Variants in C8orf34 observed in about 807,000 individuals in gnomAD.
The protein encoded by C8orf34 is uncharacterized protein C8orf34.
A neutral mutation model predicts 68.3 loss-of-function variants in C8orf34; 65 were observed. That is an observed-to-expected ratio of 0.95 (90% CI 0.78 to 1.17). The LOEUF is 1.17. Ranked by LOEUF, C8orf34 falls within the 50% of genes most tolerant of loss-of-function variation. The probability of loss-of-function intolerance (pLI) is 0.00; values close to 1 mark genes in which losing one functional copy is unlikely to be tolerated. For missense variants in C8orf34, 664 were observed against 655.4 expected, an observed-to-expected ratio of 1.01 and a Z score of -0.14; for synonymous variants, 244 against 241.2, an observed-to-expected ratio of 1.01 and a Z score of -0.11.
intron 7 of C8orf34, among the ~76,000 whole-genome samples, chr8:68,552,552 T>TAA (rs1444147220): frequency 6.6e-6 from 1 of 152,122 alleles, no homozygotes; most frequent in Non-Finnish European, 1.5e-5. Context: ...CAGTCTTACT[T>TAA]AATGTTTGTC....
chr8:68,499,988 A>C (rs1241092104), intron 5 of C8orf34, among the ~76,000 whole-genome samples: 2 of 152,120 alleles, frequency 1.3e-5, no homozygotes, highest in African/African-American at 2.4e-5. Context: ...GTTGTTTAAA[A>C]GTATGTGCGA....
chr8:68,725,886 A>G (rs1438973164), intron 10 of C8orf34, among the ~76,000 whole-genome samples: 1 of 152,048 alleles, frequency 6.6e-6, no homozygotes, highest in Non-Finnish European at 1.5e-5. Context: ...TCAGTAGCCA[A>G]TATCTTTTTT....
chr8:68,579,596 A>G (rs1454646389), intron 7 of C8orf34, among the ~76,000 whole-genome samples: 1 of 152,124 alleles, frequency 6.6e-6, no homozygotes, highest in African/African-American at 2.4e-5. Flanking sequence ...TTTTATTTAA[A>G]TGTTCCCTAC....
intron 6 of C8orf34, among the ~76,000 whole-genome samples, chr8:68,526,490 C>A (rs1396777014): frequency 6.6e-6 from 1 of 152,130 alleles, no homozygotes; most frequent in Non-Finnish European, 1.5e-5. Flanking sequence ...TGTTACTGCT[C>A]AGTTCACAGT....
chr8:68,532,212 A>G (rs1586331122), intron 6 of C8orf34, among the ~76,000 whole-genome samples: 1 of 152,180 alleles, frequency 6.6e-6, no homozygotes, highest in Admixed American at 6.6e-5. Flanking sequence ...GGTATATACA[A>G]TGGACTATCC....
chr8:68,465,734 A>T (rs1485383585), intron 3 of C8orf34, among the ~76,000 whole-genome samples: 2 of 146,074 alleles, frequency 1.4e-5, no homozygotes, highest in African/African-American at 5.0e-5. Context: ...TCTCACTCAT[A>T]GGTGGGAATT....
Position 68,673,587 on chromosome 8 carries a change from G to T in C8orf34, c.1241+33076G>T, listed in dbSNP as rs145054430. ...AGAAGAGAAGATTGGGAAGGACTTT[G>T]TCTTGTGACTTGGGTGCTAGCTCAT... On this transcript the variant is annotated intron_variant, in intron 8 of 13. Coordinates refer to ENST00000518698, the MANE Select transcript of C8orf34 (RefSeq NM_052958.4). Among the ~76,000 whole-genome samples, 25 of 152,254 alleles carry T rather than the reference G, an allele frequency of 1.6e-4. No homozygotes were observed. The East Asian group carries it at 4.6e-3, about 28-fold the overall frequency.
At chr8:68,695,807 T>G (rs1241020899) in intron 8 of C8orf34, 5 of 152,138 alleles carry the variant, frequency 3.3e-5, no homozygotes, top group Non-Finnish European at 7.4e-5. Flanking sequence ...TACTTTTTTC[T>G]GTCATCTATA....
chr8:68,777,470 T>C (rs1025258021), intron 11 of C8orf34, among the ~76,000 whole-genome samples: 1 of 152,226 alleles, frequency 6.6e-6, no homozygotes, highest in Non-Finnish European at 1.5e-5. Flanking sequence ...AAATGCTCAA[T>C]GTGGCAAGAA....
chr8:68,579,827 TA>T (rs1166455132), intron 7 of C8orf34, among the ~76,000 whole-genome samples: 3 of 152,172 alleles, frequency 2.0e-5, no homozygotes, highest in Non-Finnish European at 4.4e-5. Context: ...ACTATAGTTT[TA>T]ACAGTCATCG....
chr8:68,381,468 C>T (rs1363272737), intron 1 of C8orf34, among the ~76,000 whole-genome samples: 3 of 151,486 alleles, frequency 2.0e-5, no homozygotes, highest in East Asian at 3.9e-4. Flanking sequence ...CGCGGTGGCT[C>T]ACGCCTGTAA....
At position 68,523,411 on chromosome 8, in the gene C8orf34, T is replaced by G. The variant is rs1444917392; in HGVS notation, c.938+1440T>G. ...TGAGCTCTTATTCCCACCTGAATAC[T>G]CAATAAGGGAGAACCTCTTCTCTAA... On this transcript the variant is annotated intron_variant, in intron 6 of 13. Coordinates refer to ENST00000518698, the MANE Select transcript of C8orf34 (RefSeq NM_052958.4). 2.0e-5 allele frequency among the ~76,000 whole-genome samples: 3 copies of G among 152,340 alleles called. No individual in the cohort carries two copies. The East Asian group carries it at 5.8e-4, about 29-fold the overall frequency.
intron 7 of C8orf34, among the ~76,000 whole-genome samples, chr8:68,589,293 C>T (rs1228356283): frequency 1.3e-5 from 2 of 151,876 alleles, no homozygotes; most frequent in Non-Finnish European, 2.9e-5. Context: ...TTTGACTTCT[C>T]TTCTATTTAG....
intron 5 of C8orf34, among the ~76,000 whole-genome samples, chr8:68,490,690 T>TA (rs1048393585): frequency 2.7e-5 from 4 of 150,060 alleles, no homozygotes; most frequent in Admixed American, 6.7e-5. Flanking sequence ...ACTTTTCACT[T>TA]AAAAAAAATT....
At chr8:68,427,328 A>G (rs1164250259) in intron 1 of C8orf34, among the ~76,000 whole-genome samples, 1 of 152,174 alleles carries the variant, frequency 6.6e-6, no homozygotes, top group African/African-American at 2.4e-5. Flanking sequence ...TAAACACACT[A>G]TGGTACACCT....
Position 68,394,084 on chromosome 8 carries a change from G to A in C8orf34, c.328-45415G>A, listed in dbSNP as rs1266708692. Reference sequence around the variant, plus strand: ...GCAGCAAAATTGAGTGGGTAGGCATGCCATTTTTTTTTTATTATTATACTT... The same window carrying A: ...GCAGCAAAATTGAGTGGGTAGGCATACCATTTTTTTTTTATTATTATACTT... On this transcript the variant is annotated intron_variant, in intron 1 of 13. Transcript: ENST00000518698. Among the ~76,000 whole-genome samples, 9 of 121,254 alleles carry A rather than the reference G, an allele frequency of 7.4e-5. No individual in the cohort carries two copies. In the East Asian group the frequency reaches 1.8e-3, roughly 25 times the overall value. 79.5% of individuals were successfully genotyped at this position (121,254 alleles called of 152,430 possible).
At chr8:68,478,259 C>CTTT (rs1812709816) in intron 4 of C8orf34, among the ~76,000 whole-genome samples, 1 of 152,046 alleles carries the variant, frequency 6.6e-6, no homozygotes, top group Non-Finnish European at 1.5e-5. Flanking sequence ...CTAGAGATGC[C>CTTT]ATCAGTCTCT....
At chr8:68,500,253 G>C (rs1435748651) in intron 5 of C8orf34, among the ~76,000 whole-genome samples, 1 of 152,096 alleles carries the variant, frequency 6.6e-6, no homozygotes, top group Admixed American at 6.6e-5. Context: ...GTGCATACTT[G>C]AATATAATCA....
intron 1 of C8orf34, among the ~76,000 whole-genome samples, chr8:68,334,750 T>C (rs1265458567): frequency 1.3e-5 from 2 of 152,218 alleles, no homozygotes; most frequent in Non-Finnish European, 2.9e-5. Flanking sequence ...ATGGAATCAC[T>C]ATCACCTTCT....
Sources: gnomAD v4.1 joint callset for allele counts (sites outside exome capture counted in the v4.1 genomes callset) on GRCh38, gnomAD v4.1.1 for gene constraint, MANE v1.5 for transcripts, NCBI Gene and HGNC (gene_info 2026-07-23, HGNC 2026-07-21) for gene names.